RCC2: variants seen among roughly 807,000 people sequenced by gnomAD.
The protein encoded by RCC2 is regulator of chromosome condensation 2.
Under a neutral mutation model 64.1 loss-of-function variants are expected in RCC2, and 19 were observed. That is an observed-to-expected ratio of 0.30 (90% confidence interval 0.21 to 0.44). The LOEUF is 0.44. Ranked by LOEUF, RCC2 falls within the 20% of genes least tolerant of loss-of-function variation. The pLI is 1.00. For synonymous variants in RCC2, 325 were observed against 279.6 expected (o/e 1.16, Z -1.62); for missense variants, 508 against 710.4 (o/e 0.72, Z 3.24).
chr1:17,418,051 T>C (rs1168779299), intron 7 of RCC2, among the ~76,000 whole-genome samples: 2 of 152,026 alleles, frequency 1.3e-5, no homozygotes, highest in African/African-American at 2.4e-5. Context: ...TATAAGGTAC[T>C]TGAGCATCTT....
Position 17,425,552 on chromosome 1 carries a change from A to C in RCC2, c.512T>G (p.Leu171Arg). ...CGCACGGTACTCACCCCAGCTCCAC[A>C]GCTTCCCTTCCGTGGTGATGAGGAG... ...HSLLITTEGK[L>R]WSWGRNEKGQ... The change falls in exon 4 of 13, where the codon CTG becomes CGG. Residue 171 changes from leucine to arginine, a missense_variant. By Grantham distance (102) the Leu-to-Arg change is moderately radical. This residue lies in a region of RCC2 where 132 missense variants were observed against 207.3 expected (regional missense o/e 0.64). Coordinates refer to ENST00000375436, the MANE Select transcript of RCC2 (RefSeq NM_018715.4). The C allele has an allele frequency of 6.2e-7, 1 of 1,611,870 alleles. No homozygotes were observed. Among genetic ancestry groups the C allele is most frequent in the Non-Finnish European group, 8.5e-7 (1 of 1,178,820 alleles).
At chr1:17,431,525 A>G (rs1488756969) in intron 2 of RCC2, among the ~76,000 whole-genome samples, 7 of 145,708 alleles carry the variant, frequency 4.8e-5, no homozygotes, top group Non-Finnish European at 1.1e-4. Flanking sequence ...AAAAAAAGAA[A>G]GAAAGAAAAA....
At chr1:17,431,465 A>AAG (rs2075679892) in intron 2 of RCC2, among the ~76,000 whole-genome samples, 1 of 123,346 alleles carries the variant, frequency 8.1e-6, no homozygotes, top group Non-Finnish European at 1.7e-5. Flanking sequence ...TCAGGAGTTC[A>AAG]AGACCAACCA....
At chr1:17,424,910 A>T (rs1288126070) in intron 4 of RCC2, among the ~76,000 whole-genome samples, 1 of 152,208 alleles carries the variant, frequency 6.6e-6, no homozygotes, top group Non-Finnish European at 1.5e-5. Flanking sequence ...AGGCTAACAG[A>T]AGAACTGGAA....
chr1:17,430,423 G>A (rs1222189276), intron 2 of RCC2, among the ~76,000 whole-genome samples: 2 of 151,050 alleles, frequency 1.3e-5, no homozygotes. Flanking sequence ...CTGAGGAGCT[G>A]GAGACTGCAG....
In RCC2 at chr1:17,429,199, T is replaced by G. The variant is rs375794587; in HGVS notation, c.286A>C (p.Lys96Gln). The change falls in exon 3 of 13, where the codon AAA (lysine) becomes CAA (glutamine). Residue 96 changes from lysine to glutamine, a missense_variant and splice_region_variant. Around this residue, in one of 4 missense-constraint regions of RCC2, gnomAD observed 195 missense variants for 158.3 expected, o/e 1.23. Coordinates refer to ENST00000375436, the MANE Select transcript of RCC2 (RefSeq NM_018715.4). ...CCTTTGCACTTTGACCCTTCAAGTT[T>G]CTGCAGAGACAGAGAAAGGAAAAAA... is the stretch of plus-strand genomic sequence containing the variant. The part of the protein sequence containing the change: ...TEPEHTKERV[K>Q]LEGSKCKGQL... The G allele has an allele frequency of 1.9e-6, 3 of 1,613,746 alleles. No homozygotes were observed. Among genetic ancestry groups the G allele is most frequent in the African/African-American group, 1.3e-5 (1 of 75,058 alleles).
chr1:17,436,053 G>T (rs140222419), intron 2 of RCC2, among the ~76,000 whole-genome samples: 289 of 152,258 alleles, frequency 1.9e-3, no homozygotes, highest in African/African-American at 6.8e-3. Flanking sequence ...CCAAAGGATG[G>T]GCATCATGGG....
chr1:17,416,324 G>C (rs1027507840), intron 8 of RCC2, among the ~76,000 whole-genome samples, 156 bp downstream of exon 8: 2 of 152,152 alleles, frequency 1.3e-5, no homozygotes, highest in Non-Finnish European at 2.9e-5. Context: ...CTGGGACCAA[G>C]GACCCTTTGG....
intron 2 of RCC2, among the ~76,000 whole-genome samples, chr1:17,431,499 CA>C (rs558362245): frequency 0.053 from 3,044 of 57,838 alleles, 40 homozygotes; most frequent in East Asian, 0.063. Flanking sequence ...AGCCCTGTCT[CA>C]AAAAAAAAAA....
chr1:17,428,291 C>T (rs780967961), intron 3 of RCC2, among the ~76,000 whole-genome samples: 34 of 152,256 alleles, frequency 2.2e-4, no homozygotes, highest in Non-Finnish European at 4.7e-4. Flanking sequence ...GTGGACGTGG[C>T]CCCCTCTGGC....
At position 17,416,078 on chromosome 1, in the gene RCC2, A is replaced by AGG. The variant is rs35085981; in HGVS notation, c.1026+400_1026+401dup. On this transcript the variant is annotated intron_variant, in intron 8 of 12. Coordinates refer to ENST00000375436, the MANE Select transcript of RCC2 (RefSeq NM_018715.4). ...GAGTGAAACTGTCTCCAAAAAAAAA[A>AGG]GGGGGGGGGGGCGGGGGGGACAACC... 1.8e-3 allele frequency among the ~76,000 whole-genome samples: 92 copies of AGG among 50,800 alleles called. 1 individual carries two copies. Among genetic ancestry groups the AGG allele is most frequent in the Middle Eastern group, 0.011 (1 of 92 alleles). 33.3% of individuals were successfully genotyped at this position (50,800 alleles called of 152,430 possible).
chr1:17,436,236 C>T (rs1473753751), intron 2 of RCC2, among the ~76,000 whole-genome samples: 2 of 152,184 alleles, frequency 1.3e-5, no homozygotes, highest in African/African-American at 2.4e-5. Context: ...ACACAGGGCT[C>T]GCGCCTGTCA....
In RCC2 at chr1:17,413,630, C is replaced by G. The variant is rs149244344; in HGVS notation, c.1114G>C (p.Val372Leu). ...LGHAEQKDEM[V>L]PRLVKLFDFP... ...TCAAACAGCTTCACCAGGCGGGGGA[C>G]CATCTCATCCTTCTGCTCTGCGTGG... Residue 372 changes from valine (V) to leucine (L), a missense_variant, in exon 9 of 13, where the codon GTC becomes CTC. By Grantham distance (32) the Val-to-Leu change is conservative (BLOSUM62 1). Around this residue, in one of 4 missense-constraint regions of RCC2, gnomAD observed 179 missense variants for 322.0 expected, o/e 0.56. Transcript: ENST00000375436. The G allele has an allele frequency of 6.3e-5, 101 of 1,614,076 alleles. No individual in the cohort carries two copies. Among genetic ancestry groups the G allele is most frequent in the Non-Finnish European group, 8.5e-5 (100 of 1,180,030 alleles).
intron 2 of RCC2, 49 bp from the exon 3 acceptor site, chr1:17,429,248 T>C: frequency 6.8e-7 from 1 of 1,461,692 alleles, no homozygotes; most frequent in Non-Finnish European, 9.6e-7. Flanking sequence ...AGTCTGCACC[T>C]AGCTTTCCAA....
In RCC2 at chr1:17,422,299, A is replaced by G. The variant is rs2100372468; in HGVS notation, c.656-8T>C. On this transcript the variant is annotated splice_region_variant and splice_polypyrimidine_tract_variant and intron_variant, in intron 5 of 12. Transcript: ENST00000375436. ...CAAACACGGAGCCCGTTTCTGGAAGAAAGGAAAAATATCACAAAAGGGAAG... is the reference window on the plus strand; with the variant it reads ...CAAACACGGAGCCCGTTTCTGGAAGGAAGGAAAAATATCACAAAAGGGAAG... The G allele has an allele frequency of 6.2e-7, 1 of 1,607,926 alleles. No individual in the cohort carries two copies. Among genetic ancestry groups the G allele is most frequent in the Non-Finnish European group, 8.5e-7 (1 of 1,176,844 alleles).
intron 3 of RCC2, among the ~76,000 whole-genome samples, chr1:17,426,100 C>G (rs550841069): frequency 2.0e-5 from 3 of 152,272 alleles, no homozygotes; most frequent in South Asian, 4.1e-4. Flanking sequence ...GAGGAAGAGG[C>G]TGACCCAGGA....
At chr1:17,420,526 C>T (rs2075544422) in intron 7 of RCC2, among the ~76,000 whole-genome samples, 188 bp downstream of exon 7, 1 of 152,136 alleles carries the variant, frequency 6.6e-6, no homozygotes, top group Non-Finnish European at 1.5e-5. Flanking sequence ...GGCAGTGTTG[C>T]AATACTCCAT....
At chr1:17,435,116 G>A (rs917253760) in intron 2 of RCC2, among the ~76,000 whole-genome samples, 9 of 152,154 alleles carry the variant, frequency 5.9e-5, no homozygotes, top group African/African-American at 1.9e-4. Flanking sequence ...TGGGGGGTGC[G>A]GAAGAAGTCT....
rs889823489 is a variant in RCC2 at position 17,425,450 on chromosome 1, G to A, written c.523+91C>T. On this transcript the variant is annotated intron_variant, in intron 4 of 12. Transcript: ENST00000375436. ...GAAGGAGCCCAGCCTTATAAGACGC[G>A]AGTCTCTTTTCCAGGCAAACAGAAG... 13 of 1,317,176 alleles carry A rather than the reference G, an allele frequency of 9.9e-6. No individual in the cohort carries two copies. The Admixed American group carries it at 1.1e-4, about 11-fold the overall frequency. 81.6% of individuals were successfully genotyped at this position (1,317,176 alleles called of 1,614,324 possible).
Sources: allele counts gnomAD v4.1 joint callset (sites outside exome capture counted in the v4.1 genomes callset), GRCh38; gene constraint gnomAD v4.1.1; regional missense constraint gnomAD v4.1.1; transcripts MANE v1.5; gene names NCBI Gene and HGNC (gene_info 2026-07-23, HGNC 2026-07-21).